TOX: variants seen among roughly 807,000 people sequenced by gnomAD.
TOX encodes the protein thymocyte selection associated high mobility group box, also known as thymocyte selection-associated high mobility group box protein TOX.
A neutral mutation model predicts 53.7 loss-of-function variants in TOX; 11 were observed. That is an observed-to-expected ratio of 0.20 (90% CI 0.13 to 0.34). The LOEUF is 0.34. Ranked by LOEUF, TOX falls within the 10% of genes least tolerant of loss-of-function variation. TOX has a pLI of 1.00. For missense variants in TOX, 570 were observed against 664.6 expected (o/e 0.86, Z 1.56); for synonymous variants, 225 against 245.3 (o/e 0.92, Z 0.77).
chr8:59,118,866 A>G lies in TOX; in HGVS notation c.102+20T>C. The G allele has an allele frequency of 6.4e-7, 1 of 1,558,092 alleles. No homozygotes were observed. Reference sequence around the variant, plus strand: ...GATCAAGCAGCAAGAACACGGTGGAAACAAAAGCAGAGCGTTCACCTTGTT... The same window carrying G: ...GATCAAGCAGCAAGAACACGGTGGAGACAAAAGCAGAGCGTTCACCTTGTT... On this transcript the variant is annotated intron_variant, in intron 1 of 8. Transcript: ENST00000361421. This position sits in a 1 kb window ranked among gnomAD's most constrained non-coding sequence, Gnocchi z 4.1.
intron 3 of TOX, among the ~76,000 whole-genome samples, chr8:58,858,889 T>C (rs1341567470): frequency 1.3e-5 from 2 of 152,232 alleles, no homozygotes; most frequent in African/African-American, 4.8e-5. Context: ...TTAGGAATAA[T>C]GCACTCTAAG....
intron 2 of TOX, among the ~76,000 whole-genome samples, chr8:58,956,024 C>T (rs2129178091): frequency 6.6e-6 from 1 of 152,158 alleles, no homozygotes; most frequent in Non-Finnish European, 1.5e-5. Context: ...CATGAGCAAC[C>T]ACGCCCGGCA....
intron 1 of TOX, among the ~76,000 whole-genome samples, chr8:59,040,096 G>T (rs1412935083): frequency 6.6e-6 from 1 of 152,126 alleles, no homozygotes; most frequent in Admixed American, 6.5e-5. Context: ...TTGGGAGGCC[G>T]AGGCGGGCGG....
At chr8:58,812,600 T>C (rs1810102746) in intron 7 of TOX, among the ~76,000 whole-genome samples, 1 of 152,224 alleles carries the variant, frequency 6.6e-6, no homozygotes, top group African/African-American at 2.4e-5. Flanking sequence ...CCTTCCTGCA[T>C]GCACCCTGAA....
At chr8:58,966,761 C>T (rs374458397) in intron 1 of TOX, among the ~76,000 whole-genome samples, 6 of 151,960 alleles carry the variant, frequency 3.9e-5, no homozygotes, top group Admixed American at 1.3e-4. Flanking sequence ...GAGAGAAACA[C>T]GACAGTTTCC....
chr8:58,837,939 C>A, intron 5 of TOX, 142 bp downstream of exon 5: 1 of 682,470 alleles, frequency 1.5e-6, no homozygotes, highest in Non-Finnish European at 2.5e-6. Context: ...GTGAACGTCT[C>A]AGAAAGTCTG....
At chr8:58,827,469 G>T (rs1585846932) in intron 5 of TOX, among the ~76,000 whole-genome samples, 1 of 152,286 alleles carries the variant, frequency 6.6e-6, no homozygotes, top group Middle Eastern at 3.4e-3. Flanking sequence ...GGTGATTAAG[G>T]ACACGTTTGG....
rs147516251 is a variant in TOX at position 58,828,294 on chromosome 8, A to T, written c.925-1392T>A. On this transcript the variant is annotated intron_variant, in intron 5 of 8. Coordinates refer to ENST00000361421, the MANE Select transcript of TOX (RefSeq NM_014729.3). ...ACCTTGTCAACAGAATTATAACAGG[A>T]CTGTATGAAATGAATGTGCTAATTT... is the stretch of plus-strand genomic sequence containing the variant. 2.6e-5 allele frequency among the ~76,000 whole-genome samples: 4 copies of T among 152,336 alleles called. No individual in the cohort carries two copies. In the East Asian group the frequency reaches 7.7e-4, roughly 29 times the overall value.
intron 3 of TOX, among the ~76,000 whole-genome samples, chr8:58,913,200 C>T (rs1811934569): frequency 6.6e-6 from 1 of 152,178 alleles, no homozygotes; most frequent in South Asian, 2.1e-4. Context: ...CCTGTAGTCC[C>T]AGCTCCTTGG....
chr8:59,038,912 G>A (rs558205491), intron 1 of TOX, among the ~76,000 whole-genome samples: 2 of 152,384 alleles, frequency 1.3e-5, no homozygotes, highest in African/African-American at 4.8e-5. Flanking sequence ...CGCGATGCGG[G>A]AGCAGTGTGA....
At chr8:59,114,376 A>G (rs769388915) in intron 1 of TOX, among the ~76,000 whole-genome samples, 1 of 152,222 alleles carries the variant, frequency 6.6e-6, no homozygotes, top group Non-Finnish European at 1.5e-5. Flanking sequence ...AATTTGCAAT[A>G]CTGAAATAAC....
chr8:58,808,297 A>T, intron 7 of TOX, 28 bp from the exon 8 acceptor site: 12 of 1,590,876 alleles, frequency 7.5e-6, no homozygotes, highest in Non-Finnish European at 1.0e-5. Context: ...TCCGCAAATA[A>T]GGATCAAAAT....
chr8:59,067,470 G>A (rs987804271), intron 1 of TOX, among the ~76,000 whole-genome samples: 1 of 151,910 alleles, frequency 6.6e-6, no homozygotes, highest in Non-Finnish European at 1.5e-5. Context: ...ACGAGAAATC[G>A]CTTGAACCCA....
intron 2 of TOX, among the ~76,000 whole-genome samples, chr8:58,949,926 T>C (rs962210742): frequency 5.8e-5 from 8 of 138,972 alleles, no homozygotes; most frequent in African/African-American, 1.6e-4. Context: ...TACAATTACA[T>C]GTGTATAGTT....
At chr8:59,035,453 C>T (rs1814441239) in intron 1 of TOX, among the ~76,000 whole-genome samples, 1 of 152,178 alleles carries the variant, frequency 6.6e-6, no homozygotes, top group African/African-American at 2.4e-5. Context: ...CAGCTCACTG[C>T]AGCCTCCAAC....
chr8:59,104,929 T>C (rs1169710657), intron 1 of TOX, among the ~76,000 whole-genome samples: 1 of 152,196 alleles, frequency 6.6e-6, no homozygotes, highest in Non-Finnish European at 1.5e-5. Flanking sequence ...GATAGTTATC[T>C]GTATTCCTCT....
chr8:58,894,140 G>A (rs1319295669), intron 3 of TOX, among the ~76,000 whole-genome samples: 2 of 152,140 alleles, frequency 1.3e-5, no homozygotes, highest in Non-Finnish European at 2.9e-5. Context: ...AAATAATAGT[G>A]CAAGGGCCTT....
chr8:59,057,288 A>C (rs977170608), intron 1 of TOX, among the ~76,000 whole-genome samples: 5 of 152,304 alleles, frequency 3.3e-5, no homozygotes, highest in Admixed American at 1.3e-4. Flanking sequence ...TAGAAAAAAA[A>C]ATCACATACA....
intron 3 of TOX, among the ~76,000 whole-genome samples, chr8:58,860,610 G>A (rs1419618756): frequency 2.0e-5 from 3 of 152,136 alleles, no homozygotes; most frequent in Admixed American, 6.6e-5. Context: ...ACCAGTTCTG[G>A]TCCCTGGTGA....
Sources: gnomAD v4.1 joint callset for allele counts (sites outside exome capture counted in the v4.1 genomes callset) on GRCh38, gnomAD v4.1.1 for gene constraint, Gnocchi (gnomAD v3.1) non-coding constraint, MANE v1.5 for transcripts, NCBI Gene and HGNC (gene_info 2026-07-23, HGNC 2026-07-21) for gene names.